Variants in ROR2 observed in about 807,000 individuals in gnomAD.
ROR2 encodes the protein tyrosine-protein kinase transmembrane receptor ROR2.
Under a neutral mutation model 74.9 loss-of-function variants are expected in ROR2, and 33 were observed. The observed-to-expected ratio is 0.44, with a 90% CI of 0.33 to 0.59. ROR2 has a LOEUF of 0.59. Ranked by LOEUF, ROR2 falls within the 20% of genes least tolerant of loss-of-function variation. The pLI, the probability that ROR2 is intolerant of heterozygous loss-of-function variation, is 0.02. For missense variants in ROR2, 1,216 were observed against 1,313.8 expected (o/e 0.93, Z 1.15); for synonymous variants, 586 against 558.7 (o/e 1.05, Z -0.69).
At position 91,725,199 on chromosome 9, in the gene ROR2, C is replaced by T. The variant is rs538141264; in HGVS notation, c.1387-92G>A. On this transcript the variant is annotated intron_variant, in intron 8 of 8. Coordinates refer to ENST00000375708, the MANE Select transcript of ROR2 (RefSeq NM_004560.4). ...AGCCGGGAGGAGTGGAGTCCCTGTG[C>T]GGCCACGACTAGGGGGGCCTTGCAG... is the stretch of plus-strand genomic sequence containing the variant. The T allele has an allele frequency of 1.3e-3, 2,148 of 1,597,322 alleles. 2 individuals carry two copies. The highest frequency in any genetic ancestry group is 1.6e-3 in the Non-Finnish European group (1,840 of 1,176,818).
chr9:91,729,840 C>T (rs1377385729), intron 7 of ROR2, among the ~76,000 whole-genome samples: 2 of 152,210 alleles, frequency 1.3e-5, no homozygotes, highest in African/African-American at 2.4e-5. Flanking sequence ...ATTCTATTTT[C>T]GCCTCACTCC....
intron 1 of ROR2, among the ~76,000 whole-genome samples, chr9:91,907,427 G>A (rs149566721): frequency 6.6e-6 from 1 of 152,196 alleles, no homozygotes; most frequent in Non-Finnish European, 1.5e-5. Flanking sequence ...GGGGCAAGGG[G>A]ATCTGGGTGA....
intron 2 of ROR2, among the ~76,000 whole-genome samples, chr9:91,771,676 C>T (rs957357824): frequency 1.3e-5 from 2 of 151,896 alleles, no homozygotes; most frequent in Non-Finnish European, 2.9e-5. Context: ...AGGCTTTTTG[C>T]TCTGAGAATC....
chr9:91,904,570 G>A (rs1830763297), intron 1 of ROR2, among the ~76,000 whole-genome samples: 1 of 152,206 alleles, frequency 6.6e-6, no homozygotes. Flanking sequence ...GCAAGGAAGT[G>A]GAATCAGGCT....
intron 1 of ROR2, among the ~76,000 whole-genome samples, chr9:91,835,960 G>A (rs1563989856): frequency 6.6e-6 from 1 of 152,190 alleles, no homozygotes. Context: ...CTACCTTTCT[G>A]TATAGCTTGA....
intron 1 of ROR2, among the ~76,000 whole-genome samples, chr9:91,856,304 G>A (rs1829284628): frequency 6.6e-6 from 1 of 152,202 alleles, no homozygotes; most frequent in African/African-American, 2.4e-5. Flanking sequence ...TCAGTGAGCT[G>A]TGGTTGCACC....
At chr9:91,944,889 C>A (rs72746299) in intron 1 of ROR2, among the ~76,000 whole-genome samples, 3 of 151,632 alleles carry the variant, frequency 2.0e-5, no homozygotes, top group African/African-American at 7.3e-5. Flanking sequence ...TCCATCTCTA[C>A]GAAAAAAAAT....
chr9:91,809,738 G>A (rs913002487), intron 1 of ROR2, among the ~76,000 whole-genome samples: 1 of 152,234 alleles, frequency 6.6e-6, no homozygotes, highest in Non-Finnish European at 1.5e-5. Flanking sequence ...CGCCGTGGGC[G>A]TCCTCACCAC....
chr9:91,724,550 C>T lies in ROR2; in HGVS notation c.1944G>A (p.Leu648=), dbSNP rs1239954546. The change falls in exon 9 of 9, where the codon CTG becomes CTA. Residue 648 remains leucine, a synonymous_variant. Coordinates refer to ENST00000375708, the MANE Select transcript of ROR2 (RefSeq NM_004560.4). ...REVYAADYYK[L]LGNSLLPIRW... The stretch of plus-strand genomic sequence containing the variant: ...GGATAGGCAGCAGCGAGTTCCCCAG[C>T]AGCTTGTAGTAATCGGCGGCATACA... The T allele has an allele frequency of 3.1e-6, 5 of 1,614,108 alleles. No individual in the cohort carries two copies. The highest frequency in any genetic ancestry group is 4.2e-6 in the Non-Finnish European group (5 of 1,180,058).
chr9:91,769,550 C>A (rs969077887), intron 2 of ROR2, among the ~76,000 whole-genome samples: 6 of 152,144 alleles, frequency 3.9e-5, no homozygotes, highest in Admixed American at 3.9e-4. Context: ...TCTGACCCTG[C>A]GTGCCCACCG....
At chr9:91,888,334 A>T (rs1031910658) in intron 1 of ROR2, among the ~76,000 whole-genome samples, 3 of 152,200 alleles carry the variant, frequency 2.0e-5, no homozygotes, top group Admixed American at 2.0e-4. Flanking sequence ...AGGTACAAAC[A>T]ATGGACTACA....
chr9:91,843,108 C>A (rs1017416148), intron 1 of ROR2, among the ~76,000 whole-genome samples: 1 of 152,194 alleles, frequency 6.6e-6, no homozygotes, highest in Non-Finnish European at 1.5e-5. Context: ...TGTTTACATG[C>A]GCAGGAGGGA....
intron 1 of ROR2, among the ~76,000 whole-genome samples, chr9:91,822,093 TGA>T (rs1214826598): frequency 6.6e-6 from 1 of 152,188 alleles, no homozygotes; most frequent in African/African-American, 2.4e-5. Context: ...CAAATCGGGA[TGA>T]GAGAAATCCA....
intron 1 of ROR2, among the ~76,000 whole-genome samples, chr9:91,790,978 A>G (rs531546832): frequency 3.4e-4 from 52 of 152,368 alleles, no homozygotes; most frequent in African/African-American, 1.2e-3. Context: ...AAAAATTTAT[A>G]TAGTAAAAAG....
intron 1 of ROR2, among the ~76,000 whole-genome samples, chr9:91,854,640 G>A (rs1025825896): frequency 1.3e-5 from 2 of 152,240 alleles, no homozygotes; most frequent in African/African-American, 4.8e-5. Flanking sequence ...GATAGGAGGA[G>A]TGCAGGATCA....
rs1836929097 is a variant in ROR2 at position 91,724,401 on chromosome 9, T to C, written c.2093A>G (p.Asn698Ser). The C allele has an allele frequency of 1.9e-6, 3 of 1,613,998 alleles. No homozygotes were observed. Among genetic ancestry groups the C allele is most frequent in the African/African-American group, 1.3e-5 (1 of 74,928 alleles). ...CCGGATCATCTCCACCACATCCTGG[T>C]TGGAGTACCCGCAGTAGGGCTGCAG... ...YGLQPYCGYS[N>S]QDVVEMIRNR... is the part of the protein sequence containing the mutation. Residue 698 changes from asparagine (N) to serine (S), a missense_variant, in exon 9 of 9, where the codon AAC becomes AGC. Asn to Ser is a conservative substitution (Grantham distance 46, BLOSUM62 1). Transcript: ENST00000375708.
At chr9:91,915,776 C>T (rs573719498) in intron 1 of ROR2, among the ~76,000 whole-genome samples, 68 of 152,306 alleles carry the variant, frequency 4.5e-4, no homozygotes, top group African/African-American at 1.6e-3. Context: ...ACTGAGCAGT[C>T]ATTGGCACAT....
rs1161769164 is a variant in ROR2, at chr9:91,733,890, G to C, written c.623-454C>G. Among the ~76,000 whole-genome samples, 2 of 152,214 alleles carry C rather than the reference G, an allele frequency of 1.3e-5. No individual in the cohort carries two copies. Among genetic ancestry groups the C allele is most frequent in the Non-Finnish European group, 2.9e-5 (2 of 68,042 alleles). On this transcript the variant is annotated intron_variant, in intron 5 of 8. Transcript: ENST00000375708. This position sits in a 1 kb window ranked among gnomAD's most constrained non-coding sequence, Gnocchi z 5.7. ...TGTCCCAGATCTGTCTGGGGAGAAG[G>C]CTGTCCCGGAAGAGGGAGTCAGCTC...
chr9:91,891,321 C>T (rs768539952), intron 1 of ROR2, among the ~76,000 whole-genome samples: 15 of 150,996 alleles, frequency 9.9e-5, no homozygotes, highest in Non-Finnish European at 1.8e-4. Flanking sequence ...TGCAGTGGCA[C>T]GATCTCACTG....
Sources: allele counts gnomAD v4.1 joint callset (sites outside exome capture counted in the v4.1 genomes callset), GRCh38; gene constraint gnomAD v4.1.1; non-coding constraint Gnocchi (gnomAD v3.1); transcripts MANE v1.5; gene names NCBI Gene and HGNC (gene_info 2026-07-23, HGNC 2026-07-21).